The following RYR3 variants were observed in gnomAD, a reference collection of about 807,000 sequenced individuals.
The protein encoded by RYR3 is brain ryanodine receptor-calcium release channel.
A neutral mutation model predicts 584.3 loss-of-function variants in RYR3; 207 were observed. That is an observed-to-expected ratio of 0.35 (90% CI 0.32 to 0.40). The LOEUF is 0.40. RYR3 is among the 10% of genes least tolerant of loss of function. The pLI, the probability that RYR3 is intolerant of heterozygous loss-of-function variation, is 1.00. For synonymous variants in RYR3, 2,416 were observed against 2,248.5 expected (o/e 1.07, Z -2.11); for missense variants, 5,616 against 6,089.2 (o/e 0.92, Z 2.59).
intron 1 of RYR3, among the ~76,000 whole-genome samples, chr15:33,465,567 A>G (rs1371402615): frequency 6.6e-6 from 1 of 151,836 alleles, no homozygotes; most frequent in Non-Finnish European, 1.5e-5. Flanking sequence ...AGGCCATAGT[A>G]AGATAAGAAT....
At position 33,838,334 on chromosome 15, in the gene RYR3, A is replaced by G; in HGVS notation, c.12354A>G (p.Glu4118=). 6.2e-7 allele frequency: 1 copy of G among 1,614,016 alleles called. No individual in the cohort carries two copies. Residue 4118 remains glutamate (E), a synonymous_variant, in exon 89 of 104, where the codon GAA becomes GAG. Coordinates refer to ENST00000634891, the MANE Select transcript of RYR3 (RefSeq NM_001036.6). The stretch of plus-strand genomic sequence containing the variant: ...GGCCAGAAGAGGAGGAAGAAGATGA[A>G]GATTCTTCTTACGTGTTAGAAATTG... ...ADRPEEEEED[E]DSSYVLEIAG... is the part of the protein sequence containing the mutation.
chr15:33,420,129 T>A (rs1372815070), intron 1 of RYR3, among the ~76,000 whole-genome samples: 5 of 152,322 alleles, frequency 3.3e-5, no homozygotes, highest in East Asian at 1.9e-4. Flanking sequence ...ACAGCAATTC[T>A]TAATGTGTTA....
chr15:33,579,881 A>T, intron 12 of RYR3, 95 bp from the exon 13 acceptor site: 1 of 879,364 alleles, frequency 1.1e-6, no homozygotes, highest in South Asian at 2.8e-5. Context: ...CTCATGGTGC[A>T]CCGTGGGGGG....
chr15:33,380,677 A>G (rs998280029), intron 1 of RYR3, among the ~76,000 whole-genome samples: 8 of 152,356 alleles, frequency 5.3e-5, no homozygotes, highest in Admixed American at 4.6e-4. Flanking sequence ...GCGCTAAGCC[A>G]TGCCCTGGGT....
rs1338685745 is a variant in RYR3, at chr15:33,866,038, C to CTGTT, written c.*814_*817dup. ...GTCCCTTGTAAGTAGTGGAGCTGCT[C>CTGTT]TGTTTAGGTGAATCTCCTCAAATAC... On this transcript the variant is annotated 3_prime_UTR_variant, in exon 104 of 104. Transcript: ENST00000634891. The CTGTT allele has an allele frequency of 1.3e-5, 2 of 153,934 alleles. No homozygotes were observed. Among genetic ancestry groups the CTGTT allele is most frequent in the African/African-American group, 2.4e-5 (1 of 41,450 alleles). 9.5% of individuals were successfully genotyped at this position (153,934 alleles called of 1,614,324 possible).
chr15:33,389,464 G>A (rs923317712), intron 1 of RYR3, among the ~76,000 whole-genome samples: 2 of 152,188 alleles, frequency 1.3e-5, no homozygotes, highest in Non-Finnish European at 2.9e-5. Flanking sequence ...CATGTGGTAA[G>A]GCGGGAGACT....
intron 81 of RYR3, among the ~76,000 whole-genome samples, chr15:33,825,291 A>G (rs149478122): frequency 3.4e-4 from 52 of 152,230 alleles, no homozygotes; most frequent in African/African-American, 1.3e-3. Context: ...AACTTTTCTA[A>G]ACCTTCACAT....
intron 52 of RYR3, among the ~76,000 whole-genome samples, chr15:33,742,684 C>T (rs919345981): frequency 6.6e-6 from 1 of 152,138 alleles, no homozygotes; most frequent in Admixed American, 6.5e-5. Context: ...GAAGTGTTAA[C>T]TTCTTTCTTA....
At chr15:33,539,069 A>G (rs1336529714) in intron 5 of RYR3, 1 of 214,792 alleles carries the variant, frequency 4.7e-6, no homozygotes, top group Admixed American at 5.5e-5. Flanking sequence ...CATTTTTCCT[A>G]TTTGCATTAA....
chr15:33,326,559 G>T (rs1345256376), intron 1 of RYR3, among the ~76,000 whole-genome samples: 2 of 152,174 alleles, frequency 1.3e-5, no homozygotes, highest in Non-Finnish European at 2.9e-5. Context: ...CATTTGAACT[G>T]GGGGTTTCTA....
chr15:33,628,204 G>A (rs2061090932), intron 20 of RYR3, among the ~76,000 whole-genome samples: 1 of 152,080 alleles, frequency 6.6e-6, no homozygotes, highest in Non-Finnish European at 1.5e-5. Flanking sequence ...ATAGGGTGAG[G>A]CAAGTATTCA....
chr15:33,722,944 C>G (rs1213643821), intron 44 of RYR3, 49 bp downstream of exon 44: 1 of 1,459,798 alleles, frequency 6.9e-7, no homozygotes, highest in Non-Finnish European at 9.3e-7. Context: ...GGTGAGCTCT[C>G]AGATATTATT....
intron 27 of RYR3, among the ~76,000 whole-genome samples, chr15:33,637,694 A>G (rs981847152): frequency 1.3e-5 from 2 of 152,254 alleles, no homozygotes; most frequent in African/African-American, 4.8e-5. Context: ...TATGTAATAT[A>G]CATGCTCTTT....
intron 53 of RYR3, among the ~76,000 whole-genome samples, chr15:33,746,911 T>C (rs2070781107): frequency 1.3e-5 from 2 of 150,202 alleles, no homozygotes; most frequent in African/African-American, 4.9e-5. Context: ...CGGGCTCAAG[T>C]GATCCTCCCA....
chr15:33,589,452 TTTTAA>T (rs1246793950), intron 16 of RYR3, among the ~76,000 whole-genome samples: 2 of 152,222 alleles, frequency 1.3e-5, no homozygotes, highest in East Asian at 1.9e-4. Context: ...TTGCAGAGCT[TTTTAA>T]TTTAATTAAG....
chr15:33,349,408 A>T (rs915588234), intron 1 of RYR3, among the ~76,000 whole-genome samples: 4 of 152,040 alleles, frequency 2.6e-5, no homozygotes, highest in Non-Finnish European at 5.9e-5. Context: ...AATGAATGAG[A>T]GTTCCTGTTG....
chr15:33,524,718 T>C (rs1021036702), intron 3 of RYR3, among the ~76,000 whole-genome samples: 9 of 152,218 alleles, frequency 5.9e-5, no homozygotes, highest in Non-Finnish European at 1.2e-4. Context: ...TAAAATGATA[T>C]ATCAAAGTTG....
intron 1 of RYR3, among the ~76,000 whole-genome samples, chr15:33,335,641 CA>C (rs1970873253): frequency 6.6e-6 from 1 of 151,712 alleles, no homozygotes; most frequent in Non-Finnish European, 1.5e-5. Context: ...CCCCATGACA[CA>C]TGTTACATAT....
chr15:33,682,556 T>C (rs2064702535), intron 38 of RYR3, among the ~76,000 whole-genome samples: 2 of 152,216 alleles, frequency 1.3e-5, no homozygotes, highest in Non-Finnish European at 2.9e-5. Context: ...AGAATGTTAA[T>C]AATAATCTCA....
Sources: gnomAD v4.1 joint callset for allele counts (sites outside exome capture counted in the v4.1 genomes callset) on GRCh38, gnomAD v4.1.1 for gene constraint, MANE v1.5 for transcripts, NCBI Gene and HGNC (gene_info 2026-07-23, HGNC 2026-07-21) for gene names.